The following PRKN variants were observed in gnomAD, a reference collection of about 807,000 sequenced individuals.
PRKN encodes the protein E3 ubiquitin-protein ligase parkin.
PRKN carries 56 observed loss-of-function variants against 59.5 expected under a neutral mutation model. The ratio of observed to expected loss-of-function variants is 0.94; its 90% CI spans 0.76 to 1.18. The LOEUF is 1.18. PRKN is among the 50% of genes most tolerant of loss of function. PRKN has a pLI of 0.00. For missense variants in PRKN, 657 were observed against 596.4 expected (o/e 1.10, Z -1.06); for synonymous variants, 250 against 222.1 (o/e 1.13, Z -1.12).
chr6:161,818,626 C>T (rs1007892811), intron 6 of PRKN, among the ~76,000 whole-genome samples: 3 of 152,050 alleles, frequency 2.0e-5, no homozygotes, highest in South Asian at 4.2e-4. Flanking sequence ...AGCCACCGTG[C>T]CCAGCCCCTA....
intron 6 of PRKN, among the ~76,000 whole-genome samples, chr6:161,971,788 A>G (rs763532411): frequency 6.6e-6 from 1 of 152,216 alleles, no homozygotes; most frequent in Non-Finnish European, 1.5e-5. Context: ...ATAGCCTGAT[A>G]GGAGTGTGAA....
At chr6:161,727,805 G>A (rs1057344563) in intron 7 of PRKN, among the ~76,000 whole-genome samples, 2 of 152,068 alleles carry the variant, frequency 1.3e-5, no homozygotes, top group Non-Finnish European at 2.9e-5. Flanking sequence ...TTACAAAAAG[G>A]TTTTGCTTTT....
chr6:161,746,588 CACACACACATTAT>C (rs1216351683), intron 7 of PRKN, among the ~76,000 whole-genome samples: 1 of 140,604 alleles, frequency 7.1e-6, no homozygotes, highest in Non-Finnish European at 1.5e-5. Context: ...TATATATATA[CACACACACATTAT>C]ACACACACAT....
chr6:161,893,942 A>G (rs574752937), intron 6 of PRKN, among the ~76,000 whole-genome samples: 220 of 152,328 alleles, frequency 1.4e-3, no homozygotes, highest in African/African-American at 4.8e-3. Flanking sequence ...GATTTGTCAC[A>G]AAGAAGAACA....
At chr6:161,721,176 A>C (rs1314325633) in intron 7 of PRKN, among the ~76,000 whole-genome samples, 1 of 152,264 alleles carries the variant, frequency 6.6e-6, no homozygotes, top group East Asian at 1.9e-4. Context: ...AGTCAAATTA[A>C]AATGTGATTT....
chr6:161,666,941 C>T (rs983206219), intron 7 of PRKN, among the ~76,000 whole-genome samples: 26 of 152,176 alleles, frequency 1.7e-4, no homozygotes, highest in African/African-American at 5.6e-4. Flanking sequence ...GAGACTCACA[C>T]CTTCTGTGCA....
chr6:161,596,606 T>C (rs143045134), intron 7 of PRKN, among the ~76,000 whole-genome samples: 1 of 152,214 alleles, frequency 6.6e-6, no homozygotes, highest in East Asian at 1.9e-4. Flanking sequence ...AAGAAACCCC[T>C]AGGAACATTT....
chr6:162,148,296 G>C (rs1453235651), intron 4 of PRKN, among the ~76,000 whole-genome samples: 1 of 151,910 alleles, frequency 6.6e-6, no homozygotes, highest in Non-Finnish European at 1.5e-5. Context: ...GTTATCTGAT[G>C]AGTTTGACCC....
chr6:162,053,408 C>A (rs1250082767), intron 5 of PRKN, among the ~76,000 whole-genome samples: 2 of 152,044 alleles, frequency 1.3e-5, no homozygotes, highest in Non-Finnish European at 2.9e-5. Context: ...ACGGAGCCAG[C>A]GAGTTTTGAG....
intron 6 of PRKN, among the ~76,000 whole-genome samples, chr6:161,878,118 G>A (rs1794803870): frequency 6.6e-6 from 1 of 152,192 alleles, no homozygotes; most frequent in Admixed American, 6.5e-5. Flanking sequence ...TATGAAGCTA[G>A]TGGCTCGGAA....
At chr6:162,434,142 C>T (rs1789664225) in intron 2 of PRKN, among the ~76,000 whole-genome samples, 1 of 152,020 alleles carries the variant, frequency 6.6e-6, no homozygotes. Flanking sequence ...ATAATTTTTC[C>T]CAGGAAATGC....
chr6:161,686,303 G>T (rs575990527), intron 7 of PRKN, among the ~76,000 whole-genome samples: 1 of 146,870 alleles, frequency 6.8e-6, no homozygotes. Context: ...CTCTCCAGGT[G>T]ATGTCAATGG....
At chr6:161,892,343 A>C (rs545715158) in intron 6 of PRKN, among the ~76,000 whole-genome samples, 17 of 151,562 alleles carry the variant, frequency 1.1e-4, no homozygotes, top group Admixed American at 8.6e-4. Context: ...AAGCAAGAGG[A>C]TCGCTTGAGG....
chr6:161,543,879 A>G (rs1779704252), intron 9 of PRKN, among the ~76,000 whole-genome samples: 1 of 152,222 alleles, frequency 6.6e-6, no homozygotes, highest in African/African-American at 2.4e-5. Context: ...GCTGTTTTCC[A>G]GCACTAAACA....
intron 4 of PRKN, among the ~76,000 whole-genome samples, chr6:162,087,653 G>C (rs1281231984): frequency 6.9e-6 from 1 of 145,206 alleles, no homozygotes; most frequent in Non-Finnish European, 1.5e-5. Context: ...GAGTGCAGTG[G>C]CGCGATCTCG....
At chr6:162,101,884 C>A (rs141939607) in intron 4 of PRKN, among the ~76,000 whole-genome samples, 5 of 152,220 alleles carry the variant, frequency 3.3e-5, no homozygotes, top group African/African-American at 1.2e-4. Context: ...CTGTGTATTT[C>A]CTAAAAACAA....
chr6:161,887,792 A>T (rs531931456), intron 6 of PRKN, among the ~76,000 whole-genome samples: 8 of 152,336 alleles, frequency 5.3e-5, no homozygotes, highest in African/African-American at 1.9e-4. Context: ...TAGAAAAGTA[A>T]CAAAAACAGT....
chr6:161,486,321 C>G (rs1008751208), intron 9 of PRKN, among the ~76,000 whole-genome samples: 6 of 152,060 alleles, frequency 3.9e-5, no homozygotes, highest in African/African-American at 1.4e-4. Flanking sequence ...CAAGGCTGCA[C>G]AAAATAATGA....
intron 6 of PRKN, among the ~76,000 whole-genome samples, chr6:161,809,887 T>C (rs974432668): frequency 1.3e-5 from 2 of 152,234 alleles, no homozygotes; most frequent in African/African-American, 4.8e-5. Context: ...TGCCTGTTTC[T>C]GCTCTAAAGC....
Sources: allele counts gnomAD v4.1 joint callset (sites outside exome capture counted in the v4.1 genomes callset), GRCh38; gene constraint gnomAD v4.1.1; transcripts MANE v1.5; gene names NCBI Gene and HGNC (gene_info 2026-07-23, HGNC 2026-07-21).